Variants in MEGF11 observed in about 807,000 individuals in gnomAD.
MEGF11 encodes the protein multiple EGF like domains 11.
MEGF11 carries 126 observed loss-of-function variants against 146.6 expected under a neutral mutation model. The observed-to-expected ratio is 0.86, with a 90% confidence interval of 0.74 to 1.00. MEGF11 has a LOEUF of 1.00. MEGF11 is among the 50% of genes least tolerant of loss of function. MEGF11 has a pLI of 0.00. For synonymous variants in MEGF11, 532 were observed against 583.4 expected, an observed-to-expected ratio of 0.91 and a Z score of 1.27; for missense variants, 1,509 against 1,521.2, an observed-to-expected ratio of 0.99 and a Z score of 0.13.
intron 5 of MEGF11, among the ~76,000 whole-genome samples, chr15:66,083,722 T>C (rs768240498): frequency 1.7e-4 from 26 of 151,956 alleles, no homozygotes; most frequent in Non-Finnish European, 3.5e-4. Context: ...GAGAACAGCC[T>C]GGGCAACATA....
chr15:66,221,452 C>G (rs1044490202), intron 1 of MEGF11, among the ~76,000 whole-genome samples: 1 of 151,948 alleles, frequency 6.6e-6, no homozygotes, highest in Non-Finnish European at 1.5e-5. Flanking sequence ...TTGGTATCTA[C>G]AGACCTCACA....
chr15:66,025,929 G>A (rs1055248358), intron 5 of MEGF11, among the ~76,000 whole-genome samples: 4 of 152,184 alleles, frequency 2.6e-5, no homozygotes, highest in African/African-American at 7.2e-5. Context: ...AAACTTAAAA[G>A]GAGAAAAGGG....
chr15:66,028,420 A>G (rs1232343635), intron 5 of MEGF11, among the ~76,000 whole-genome samples: 1 of 152,244 alleles, frequency 6.6e-6, no homozygotes, highest in East Asian at 1.9e-4. Context: ...AGAAACTGGT[A>G]CACACATTAC....
chr15:66,242,818 C>A (rs992209571), intron 1 of MEGF11, among the ~76,000 whole-genome samples: 3 of 152,136 alleles, frequency 2.0e-5, no homozygotes, highest in Non-Finnish European at 4.4e-5. Flanking sequence ...ACGCCTTCAG[C>A]CAGAGGGTAC....
At chr15:66,016,164 A>C (rs2082878133) in intron 5 of MEGF11, among the ~76,000 whole-genome samples, 2 of 152,276 alleles carry the variant, frequency 1.3e-5, no homozygotes, top group Non-Finnish European at 2.9e-5. Flanking sequence ...CTATATGGCC[A>C]ATCTTGTTTC....
chr15:66,109,351 T>C (rs1379764858), intron 4 of MEGF11, among the ~76,000 whole-genome samples: 1 of 152,216 alleles, frequency 6.6e-6, no homozygotes. Context: ...GGCAGTGTCC[T>C]GACCCCTCTG....
At chr15:66,158,198 A>G in intron 1 of MEGF11, among the ~76,000 whole-genome samples, 1 of 152,268 alleles carries the variant, frequency 6.6e-6, no homozygotes, top group East Asian at 1.9e-4. Context: ...CCCTCTAGCC[A>G]GAAGCACTGC....
At chr15:66,214,878 T>C (rs1479581303) in intron 1 of MEGF11, among the ~76,000 whole-genome samples, 1 of 150,630 alleles carries the variant, frequency 6.6e-6, no homozygotes, top group Non-Finnish European at 1.5e-5. Context: ...GGAAAGAAGA[T>C]GGGGGTAAGA....
At chr15:65,946,257 C>G (rs908590243) in intron 10 of MEGF11, among the ~76,000 whole-genome samples, 1 of 152,198 alleles carries the variant, frequency 6.6e-6, no homozygotes, top group South Asian at 2.1e-4. Context: ...GAAACATCCA[C>G]GTGTGAGGCG....
chr15:66,042,142 A>C (rs540594146), intron 5 of MEGF11, among the ~76,000 whole-genome samples: 2 of 143,008 alleles, frequency 1.4e-5, no homozygotes, highest in Admixed American at 7.2e-5. Context: ...ACAGAGCCTC[A>C]CTCCATCACC....
chr15:65,944,499 G>T (rs75690137), intron 10 of MEGF11, among the ~76,000 whole-genome samples: 1 of 152,096 alleles, frequency 6.6e-6, no homozygotes, highest in South Asian at 2.1e-4. Context: ...GGAGTTCAGG[G>T]GTTAGGGAAG....
chr15:66,239,732 C>A (rs758138333), intron 1 of MEGF11, among the ~76,000 whole-genome samples: 2 of 152,198 alleles, frequency 1.3e-5, no homozygotes, highest in African/African-American at 2.4e-5. Flanking sequence ...TCATGTGGAG[C>A]ACTGGATGCT....
intron 10 of MEGF11, among the ~76,000 whole-genome samples, chr15:65,940,977 C>T (rs1384382635): frequency 6.6e-6 from 1 of 152,222 alleles, no homozygotes; most frequent in Non-Finnish European, 1.5e-5. Context: ...CATCAGTTTT[C>T]TGGCAGATGT....
At chr15:65,953,854 G>A (rs28496594) in intron 10 of MEGF11, among the ~76,000 whole-genome samples, 1,748 of 152,182 alleles carry the variant, frequency 0.011, 34 homozygotes, top group African/African-American at 0.038. Flanking sequence ...GAGCTCACAG[G>A]TGTGGTTCTG....
At chr15:66,085,683 C>T (rs942606995) in intron 5 of MEGF11, among the ~76,000 whole-genome samples, 1 of 152,230 alleles carries the variant, frequency 6.6e-6, no homozygotes, top group Non-Finnish European at 1.5e-5. Context: ...CAACAGCCTT[C>T]AGTCCTAGAC....
Position 66,246,800 on chromosome 15 carries a change from C to T in MEGF11, c.-9+6805G>A, listed in dbSNP as rs574618290. Among the ~76,000 whole-genome samples, 36 of 152,040 alleles carry T rather than the reference C, an allele frequency of 2.4e-4. No individual in the cohort carries two copies. In the South Asian group the frequency reaches 5.0e-3, roughly 21 times the overall value. On this transcript the variant is annotated intron_variant, in intron 1 of 25. Coordinates refer to ENST00000395614, the MANE Select transcript of MEGF11 (RefSeq NM_001385028.1). ...CACTCCAGCCTGGGCAACAGGAGTA[C>T]GATTCTATCTCAAAACTAATAATAA...
chr15:65,898,602 G>C, intron 25 of MEGF11, 126 bp downstream of exon 25: 1 of 1,482,936 alleles, frequency 6.7e-7, no homozygotes, highest in Non-Finnish European at 8.9e-7. Context: ...TCACCTTAGA[G>C]ATGCCTTTAA....
chr15:66,012,707 C>T (rs2082747604), intron 5 of MEGF11, among the ~76,000 whole-genome samples: 1 of 152,232 alleles, frequency 6.6e-6, no homozygotes, highest in Non-Finnish European at 1.5e-5. Context: ...GCTGTCATCT[C>T]TGTGATGCCC....
At chr15:66,054,283 G>T (rs2084587256) in intron 5 of MEGF11, among the ~76,000 whole-genome samples, 1 of 152,180 alleles carries the variant, frequency 6.6e-6, no homozygotes, top group African/African-American at 2.4e-5. Flanking sequence ...AAACACAAAA[G>T]CGATCAGGTC....
Sources: gnomAD v4.1 joint callset for allele counts (sites outside exome capture counted in the v4.1 genomes callset) on GRCh38, gnomAD v4.1.1 for gene constraint, MANE v1.5 for transcripts, NCBI Gene and HGNC (gene_info 2026-07-23, HGNC 2026-07-21) for gene names.